Variants in MAP2K2 observed in about 807,000 individuals in gnomAD.
The protein encoded by MAP2K2 is dual specificity mitogen-activated protein kinase kinase 2.
In MAP2K2, 24 loss-of-function variants were observed where a neutral mutation model predicts 43.7. That is an observed-to-expected ratio of 0.55 (90% CI 0.40 to 0.77). MAP2K2 has a LOEUF of 0.77. Among genes scored for constraint, MAP2K2 ranks in the 30% least tolerant of loss-of-function variants. MAP2K2 has a pLI of 0.00. For synonymous variants in MAP2K2, 244 were observed against 239.7 expected (o/e 1.02, Z -0.17); for missense variants, 470 against 566.8 (o/e 0.83, Z 1.73).
rs777196833 is a variant in MAP2K2 at position 4,099,202 on chromosome 19, G to A, written c.918C>T (p.Ser306=). The change falls in exon 7 of 11, where the codon AGC becomes AGT. Residue 306 remains serine, a splice_region_variant and synonymous_variant. Transcript: ENST00000262948. ...GGAAGTTGCAGATTCAGGCCGTACC[G>A]CTGACGGGGCGCCCGGGGGGCCTCG... ...PRPRPPGRPV[S]GHGMDSRPAM... 1.5e-5 allele frequency: 24 copies of A among 1,599,690 alleles called. No individual in the cohort carries two copies. Among genetic ancestry groups the A allele is most frequent in the African/African-American group, 6.7e-5 (5 of 74,784 alleles).
intron 1 of MAP2K2, among the ~76,000 whole-genome samples, chr19:4,118,608 A>T (rs763462523): frequency 1.3e-5 from 2 of 152,092 alleles, no homozygotes; most frequent in Non-Finnish European, 2.9e-5. Context: ...AACAAAAAAA[A>T]CAAAAAATAA....
At chr19:4,095,578 C>G in intron 8 of MAP2K2, 129 bp from the exon 9 acceptor site, 1 of 666,496 alleles carries the variant, frequency 1.5e-6, no homozygotes, top group Non-Finnish European at 2.6e-6. Context: ...CACATGCCAA[C>G]TGGGCTGCAC....
chr19:4,096,394 C>G (rs2040917856), intron 8 of MAP2K2, among the ~76,000 whole-genome samples: 1 of 152,202 alleles, frequency 6.6e-6, no homozygotes, highest in Non-Finnish European at 1.5e-5. Context: ...AAAGGGCCAC[C>G]AAAGACACAG....
intron 1 of MAP2K2, among the ~76,000 whole-genome samples, chr19:4,122,739 T>G (rs1178053536): frequency 6.9e-6 from 1 of 145,588 alleles, no homozygotes; most frequent in African/African-American, 2.6e-5. Context: ...CCCCACCATC[T>G]CCCCGATTTC....
intron 3 of MAP2K2, among the ~76,000 whole-genome samples, chr19:4,108,349 C>T (rs574109591): frequency 8.5e-5 from 13 of 152,154 alleles, no homozygotes; most frequent in Admixed American, 7.8e-4. Flanking sequence ...CACGCCATTC[C>T]CCTGCCTCAG....
In MAP2K2 at chr19:4,101,849, CG is replaced by C. The variant is rs908991684; in HGVS notation, c.528+526del. Among the ~76,000 whole-genome samples the C allele has an allele frequency of 6.6e-6, 1 of 152,148 alleles. No homozygotes were observed. Among genetic ancestry groups the C allele is most frequent in the Admixed American group, 6.5e-5 (1 of 15,274 alleles). ...TTAATCCAACACTGGTATGGGCAGG[CG>C]GGACTCGGCCCCTGCTATGGACAAG... On this transcript the variant is annotated intron_variant, in intron 4 of 10. Coordinates refer to ENST00000262948, the MANE Select transcript of MAP2K2 (RefSeq NM_030662.4). This position sits in a 1 kb window ranked among gnomAD's most constrained non-coding sequence, Gnocchi z 6.3.
rs893610673 is a variant in MAP2K2 at position 4,106,557 on chromosome 19, C to T, written c.450+3952G>A. 2.0e-5 allele frequency among the ~76,000 whole-genome samples: 3 copies of T among 152,030 alleles called. No individual in the cohort carries two copies. The South Asian group carries it at 6.2e-4, about 31-fold the overall frequency. ...CTGAGGAGCTGGGACTACAGGCGTG[C>T]GCCACCATGCCCAGCTAATTTTGTA... On this transcript the variant is annotated intron_variant, in intron 3 of 10. Coordinates refer to ENST00000262948, the MANE Select transcript of MAP2K2 (RefSeq NM_030662.4).
rs1281482600 is a variant in MAP2K2, at chr19:4,115,026, C to T, written c.303+2393G>A. Among the ~76,000 whole-genome samples, 2 of 152,198 alleles carry T rather than the reference C, an allele frequency of 1.3e-5. 1 individual carries two copies. Among genetic ancestry groups the T allele is most frequent in the South Asian group, 4.1e-4 (2 of 4,828 alleles). On this transcript the variant is annotated intron_variant, in intron 2 of 10. Coordinates refer to ENST00000262948, the MANE Select transcript of MAP2K2 (RefSeq NM_030662.4). This position sits in a 1 kb window ranked among gnomAD's most constrained non-coding sequence, Gnocchi z 4.1. ...ATAGCAGCCAGAGCCGCTGAGCCCA[C>T]GAGCTCAATGCATCCTCTCCCACCC... is the stretch of plus-strand genomic sequence containing the variant.
chr19:4,123,807 G>T lies in MAP2K2; in HGVS notation c.69C>A (p.Ser23=). 6.4e-7 allele frequency: 1 copy of T among 1,566,106 alleles called. No individual in the cohort carries two copies. ...TINPTIAEGP[S]PTSEGASEAN... ...ACTCGGAGGCGCCCTCGCTGGTAGG[G>T]GATGGGCCCTCGGCGATGGTAGGGT... is the stretch of plus-strand genomic sequence containing the variant. Residue 23 remains serine (S), a synonymous_variant, in exon 1 of 11, where the codon TCC becomes TCA. Coordinates refer to ENST00000262948, the MANE Select transcript of MAP2K2 (RefSeq NM_030662.4).
chr19:4,097,372 TG>T, intron 7 of MAP2K2, 29 bp from the exon 8 acceptor site: 2 of 1,567,794 alleles, frequency 1.3e-6, no homozygotes, highest in South Asian at 1.1e-5. Flanking sequence ...GGAGGTGAGA[TG>T]GGCCGATGGC....
At chr19:4,099,619 G>T (rs941871008) in intron 6 of MAP2K2, 3 of 597,366 alleles carry the variant, frequency 5.0e-6, no homozygotes, top group Non-Finnish European at 9.0e-6. Flanking sequence ...CCAGCCCGAG[G>T]CCTGGAGCTG....
In MAP2K2 at chr19:4,110,572, G is replaced by A. The variant is rs758085203; in HGVS notation, c.387C>T (p.Tyr129=). The A allele has an allele frequency of 6.2e-7, 1 of 1,614,056 alleles. No individual in the cohort carries two copies. The highest frequency in any genetic ancestry group is 8.5e-7 in the Non-Finnish European group (1 of 1,180,044). Residue 129 remains tyrosine (Y), a synonymous_variant, in exon 3 of 11, where the codon TAC becomes TAT. Coordinates refer to ENST00000262948, the MANE Select transcript of MAP2K2 (RefSeq NM_030662.4). ...AGAAGGCCCCGTAGAAGCCCACGAT[G>A]TACGGCGAGTTGCATTCGTGCAGGA... is the stretch of plus-strand genomic sequence containing the variant. The part of the protein sequence containing the change: ...LQVLHECNSP[Y]IVGFYGAFYS...
intron 1 of MAP2K2, among the ~76,000 whole-genome samples, chr19:4,123,554 C>CCCCCTACCCCGTCCTCCCCCGAGGGT (rs2041328182): frequency 3.5e-5 from 2 of 56,848 alleles, no homozygotes; most frequent in Non-Finnish European, 6.4e-5. Context: ...CCTCCGAGGG[C>CCCCCTACCCCGTCCTCCCCCGAGGGT]CCCCTGCCCC....
intron 3 of MAP2K2, among the ~76,000 whole-genome samples, chr19:4,104,120 C>G (rs1463489484): frequency 6.6e-6 from 1 of 151,984 alleles, no homozygotes. Flanking sequence ...AAAAAATTAG[C>G]TGGGCGTGGT....
chr19:4,093,570 A>C (rs1411821754), intron 10 of MAP2K2, among the ~76,000 whole-genome samples: 1 of 151,922 alleles, frequency 6.6e-6, no homozygotes, highest in Non-Finnish European at 1.5e-5. Flanking sequence ...GGGTGCCTGT[A>C]ATCGTAGCTA....
chr19:4,121,221 C>T (rs1384246392), intron 1 of MAP2K2, among the ~76,000 whole-genome samples: 1 of 151,968 alleles, frequency 6.6e-6, no homozygotes. Flanking sequence ...TTCTCAGATC[C>T]CTTCACCCAG....
chr19:4,103,328 G>A (rs1165115903), intron 3 of MAP2K2: 18 of 925,642 alleles, frequency 1.9e-5, no homozygotes, highest in Non-Finnish European at 2.3e-5. Flanking sequence ...AACAAACCTG[G>A]GGACCAAAAC....
At chr19:4,108,848 G>A (rs1000088971) in intron 3 of MAP2K2, among the ~76,000 whole-genome samples, 3 of 152,248 alleles carry the variant, frequency 2.0e-5, no homozygotes, top group East Asian at 1.9e-4. Context: ...CGAGGAAGAC[G>A]AGGAGGAGGA....
At chr19:4,097,230 A>AATT in intron 8 of MAP2K2, 49 bp downstream of exon 8, 1 of 1,170,490 alleles carries the variant, frequency 8.5e-7, no homozygotes, top group Non-Finnish European at 1.2e-6. Flanking sequence ...AAAAAAAAAG[A>AATT]AAGAAGAAAG....
Sources: gnomAD v4.1 joint callset for allele counts (sites outside exome capture counted in the v4.1 genomes callset) on GRCh38, gnomAD v4.1.1 for gene constraint, Gnocchi (gnomAD v3.1) non-coding constraint, MANE v1.5 for transcripts, NCBI Gene and HGNC (gene_info 2026-07-23, HGNC 2026-07-21) for gene names.